The following SGK1 variants were observed in gnomAD, a reference collection of about 807,000 sequenced individuals.
The protein encoded by SGK1 is serum/glucocorticoid regulated kinase 1.
SGK1 carries 26 observed loss-of-function variants against 64.2 expected under a neutral mutation model. That is an observed-to-expected ratio of 0.40 (90% CI 0.30 to 0.56). The LOEUF (loss-of-function observed/expected upper bound fraction) is 0.56, where lower values mean the gene tolerates loss of function less well. Ranked by LOEUF, SGK1 falls within the 20% of genes least tolerant of loss-of-function variation. SGK1 has a pLI of 0.38. For missense variants in SGK1, 519 were observed against 645.6 expected, an observed-to-expected ratio of 0.80 and a Z score of 2.12; for synonymous variants, 265 against 239.7, an observed-to-expected ratio of 1.11 and a Z score of -0.98.
At chr6:134,273,072 T>C (rs1235773254) in intron 1 of SGK1, among the ~76,000 whole-genome samples, 1 of 148,074 alleles carries the variant, frequency 6.8e-6, no homozygotes, top group Non-Finnish European at 1.5e-5. Context: ...AGAGCTCAGT[T>C]TCTGCCCTTG....
At chr6:134,192,149 G>A (rs1325916199) in intron 3 of SGK1, among the ~76,000 whole-genome samples, 1 of 151,646 alleles carries the variant, frequency 6.6e-6, no homozygotes, top group Admixed American at 6.6e-5. Flanking sequence ...TATTTTTATA[G>A]AGATGGGGTT....
At chr6:134,221,794 A>G (rs1029667977) in intron 2 of SGK1, among the ~76,000 whole-genome samples, 5 of 151,996 alleles carry the variant, frequency 3.3e-5, no homozygotes, top group Admixed American at 2.0e-4. Flanking sequence ...CTGGGATTAC[A>G]GGTGTGGGCC....
At chr6:134,175,828 T>C (rs1775218788) in intron 3 of SGK1, 1 of 1,273,514 alleles carries the variant, frequency 7.9e-7, no homozygotes, top group South Asian at 2.4e-5. Flanking sequence ...ACGCCTTTTT[T>C]GTGCTTTTGG....
intron 1 of SGK1, among the ~76,000 whole-genome samples, chr6:134,283,558 A>G (rs1252690331): frequency 6.6e-6 from 1 of 151,902 alleles, no homozygotes; most frequent in African/African-American, 2.4e-5. Context: ...GACACATCAA[A>G]GAAGTCTGGC....
At chr6:134,190,567 T>C (rs1180680602) in intron 3 of SGK1, among the ~76,000 whole-genome samples, 30 of 152,272 alleles carry the variant, frequency 2.0e-4, no homozygotes, top group Admixed American at 1.7e-3. Flanking sequence ...ATTATAGGCA[T>C]GAGCCACCAC....
At chr6:134,249,640 AAC>A (rs1215836077) in intron 2 of SGK1, 3 of 152,234 alleles carry the variant, frequency 2.0e-5, no homozygotes, top group African/African-American at 7.2e-5. Context: ...CTGTCCTGGA[AAC>A]ACAGCCTAGG....
At chr6:134,206,326 G>C (rs1304485051) in intron 3 of SGK1, among the ~76,000 whole-genome samples, 2 of 113,766 alleles carry the variant, frequency 1.8e-5, no homozygotes, top group African/African-American at 6.7e-5. Flanking sequence ...AATCCACAAA[G>C]CTGTACCTGA....
intron 13 of SGK1, 43 bp downstream of exon 13, chr6:134,170,782 GC>G: frequency 8.2e-7 from 1 of 1,225,048 alleles, no homozygotes; most frequent in Non-Finnish European, 1.2e-6. Context: ...TAAAATAAAT[GC>G]CCTTTGGGCT....
intron 1 of SGK1, among the ~76,000 whole-genome samples, chr6:134,280,440 T>A (rs1025484780): frequency 6.6e-6 from 1 of 152,062 alleles, no homozygotes; most frequent in African/African-American, 2.4e-5. Flanking sequence ...TTAAAATATA[T>A]ATATTTTTTA....
chr6:134,193,210 G>A (rs1775543050), intron 3 of SGK1, among the ~76,000 whole-genome samples: 1 of 152,112 alleles, frequency 6.6e-6, no homozygotes, highest in Non-Finnish European at 1.5e-5. Flanking sequence ...AGCTTAGTAT[G>A]TTCACAAACT....
At chr6:134,213,994 A>C (rs1274637006) in intron 2 of SGK1, among the ~76,000 whole-genome samples, 1 of 152,210 alleles carries the variant, frequency 6.6e-6, no homozygotes, top group Non-Finnish European at 1.5e-5. Context: ...ATATTTTGCT[A>C]ATCTTATTTT....
At chr6:134,215,134 C>CTTTCTTTCTTTCTT (rs569795606) in intron 2 of SGK1, 1 of 360,834 alleles carries the variant, frequency 2.8e-6, no homozygotes, top group Non-Finnish European at 5.4e-6. Flanking sequence ...TTCTTTCTTT[C>CTTTCTTTCTTTCTT]TTTTTTTTTT....
intron 1 of SGK1, among the ~76,000 whole-genome samples, chr6:134,305,640 T>C (rs1474265249): frequency 6.6e-6 from 1 of 151,928 alleles, no homozygotes; most frequent in Admixed American, 6.6e-5. Context: ...AAAAAATTTA[T>C]TCAATGTATT....
At chr6:134,238,588 T>G (rs1034563059) in intron 2 of SGK1, among the ~76,000 whole-genome samples, 8 of 152,206 alleles carry the variant, frequency 5.3e-5, no homozygotes, top group Non-Finnish European at 1.2e-4. Context: ...CAGTGTTTTT[T>G]TTTTTAATTC....
chr6:134,308,394 T>C (rs1014292455), intron 1 of SGK1, among the ~76,000 whole-genome samples: 3 of 152,234 alleles, frequency 2.0e-5, no homozygotes, highest in African/African-American at 7.2e-5. Flanking sequence ...GGGGGACTTT[T>C]CTTTTTTCAC....
chr6:134,299,974 A>C (rs779441488), intron 1 of SGK1, among the ~76,000 whole-genome samples: 3 of 152,210 alleles, frequency 2.0e-5, no homozygotes, highest in Non-Finnish European at 4.4e-5. Context: ...AGAGAAAAAA[A>C]ACACACAGCA....
chr6:134,258,952 C>T (rs1030812352), intron 2 of SGK1, among the ~76,000 whole-genome samples: 1 of 152,112 alleles, frequency 6.6e-6, no homozygotes, highest in African/African-American at 2.4e-5. Flanking sequence ...TGCACCACTA[C>T]ACTCTAGCCT....
At chr6:134,228,298 T>C (rs374497667) in intron 2 of SGK1, among the ~76,000 whole-genome samples, 2 of 152,202 alleles carry the variant, frequency 1.3e-5, no homozygotes, top group East Asian at 3.9e-4. Context: ...TCTTCCCAGA[T>C]AGTACATAGT....
intron 3 of SGK1, among the ~76,000 whole-genome samples, chr6:134,205,233 C>T (rs1018072661): frequency 6.6e-6 from 1 of 152,120 alleles, no homozygotes; most frequent in Non-Finnish European, 1.5e-5. Flanking sequence ...TGCTGTAGAT[C>T]TTACTAGCAG....
Sources: gnomAD v4.1 joint callset for allele counts (sites outside exome capture counted in the v4.1 genomes callset) on GRCh38, gnomAD v4.1.1 for gene constraint, MANE v1.5 for transcripts, NCBI Gene and HGNC (gene_info 2026-07-23, HGNC 2026-07-21) for gene names.